FHIT: variants seen among roughly 807,000 people sequenced by gnomAD.
FHIT encodes the protein bis(5'-adenosyl)-triphosphatase.
A neutral mutation model predicts 17.9 loss-of-function variants in FHIT; 19 were observed. The ratio of observed to expected loss-of-function variants is 1.06; its 90% CI spans 0.74 to 1.56. The LOEUF is 1.56. Ranked by LOEUF, FHIT falls within the 40% of genes most tolerant of loss-of-function variation. The probability of loss-of-function intolerance (pLI) is 0.00; values close to 1 mark genes in which losing one functional copy is unlikely to be tolerated. For synonymous variants in FHIT, 81 were observed against 69.7 expected, an observed-to-expected ratio of 1.16 and a Z score of -0.81; for missense variants, 248 against 189.2, an observed-to-expected ratio of 1.31 and a Z score of -1.82.
At chr3:60,421,283 T>C (rs530511700) in intron 5 of FHIT, among the ~76,000 whole-genome samples, 158 of 152,224 alleles carry the variant, frequency 1.0e-3, no homozygotes, top group African/African-American at 3.5e-3. Context: ...TGATTTACTG[T>C]ATCTAATCTC....
intron 4 of FHIT, among the ~76,000 whole-genome samples, chr3:60,748,152 C>G (rs1488413718): frequency 6.6e-6 from 1 of 151,984 alleles, no homozygotes; most frequent in Non-Finnish European, 1.5e-5. Flanking sequence ...ACTCTGAAAG[C>G]CTTATTAGAG....
intron 2 of FHIT, among the ~76,000 whole-genome samples, chr3:61,163,294 T>C (rs951128829): frequency 2.0e-5 from 3 of 152,222 alleles, no homozygotes; most frequent in Admixed American, 6.5e-5. Flanking sequence ...CTTAACACCA[T>C]TGACATTTAT....
chr3:60,512,716 G>A (rs1468736032), intron 5 of FHIT, among the ~76,000 whole-genome samples: 1 of 152,148 alleles, frequency 6.6e-6, no homozygotes, highest in African/African-American at 2.4e-5. Flanking sequence ...CCTATTTGGT[G>A]TCCTTGCCAA....
At position 60,074,751 on chromosome 3, in the gene FHIT, A is replaced by G. The variant is rs150583499; in HGVS notation, c.104-60599T>C. Among the ~76,000 whole-genome samples, 823 of 152,066 alleles carry G rather than the reference A, an allele frequency of 5.4e-3. 7 individuals are homozygous for G. Among genetic ancestry groups the G allele is most frequent in the African/African-American group, 0.019 (800 of 41,496 alleles). On this transcript the variant is annotated intron_variant, in intron 5 of 9. Transcript: ENST00000492590. ...TCTTCTCTTGGTGTTTACTCCCCCA[A>G]CACTTTCCTCAGCTCTTTATTTCTG...
At chr3:60,934,819 A>C (rs1159673850) in intron 3 of FHIT, among the ~76,000 whole-genome samples, 1 of 152,172 alleles carries the variant, frequency 6.6e-6, no homozygotes, top group African/African-American at 2.4e-5. Flanking sequence ...GTTCCTGAAG[A>C]AGATGGGAAA....
At chr3:59,995,746 G>A (rs538637380) in intron 7 of FHIT, among the ~76,000 whole-genome samples, 11 of 151,974 alleles carry the variant, frequency 7.2e-5, no homozygotes, top group African/African-American at 2.7e-4. Flanking sequence ...CACAGCACCG[G>A]GTATACCTCA....
intron 8 of FHIT, among the ~76,000 whole-genome samples, chr3:59,859,269 G>A (rs553931527): frequency 1.4e-4 from 21 of 152,304 alleles, no homozygotes; most frequent in African/African-American, 3.4e-4. Flanking sequence ...GCTCAGCAGC[G>A]TTTTTGTGGA....
At chr3:61,216,612 A>T (rs978589212) in intron 1 of FHIT, among the ~76,000 whole-genome samples, 10 of 152,180 alleles carry the variant, frequency 6.6e-5, no homozygotes, top group South Asian at 2.1e-4. Context: ...TAGAACTAGA[A>T]ATACCATTTG....
At chr3:61,127,243 C>G (rs1480106748) in intron 2 of FHIT, among the ~76,000 whole-genome samples, 1 of 152,092 alleles carries the variant, frequency 6.6e-6, no homozygotes, top group Non-Finnish European at 1.5e-5. Context: ...GGGCCCAAGC[C>G]ATAGTGGTGG....
chr3:60,221,033 A>G (rs1034054295), intron 5 of FHIT, among the ~76,000 whole-genome samples: 3 of 152,160 alleles, frequency 2.0e-5, no homozygotes, highest in African/African-American at 7.2e-5. Context: ...ACAATAACAC[A>G]TTTGGTATAT....
At chr3:60,429,988 T>C (rs140493231) in intron 5 of FHIT, among the ~76,000 whole-genome samples, 28 of 152,032 alleles carry the variant, frequency 1.8e-4, no homozygotes, top group Admixed American at 1.6e-3. Flanking sequence ...TGTACCAGCT[T>C]AAGCCCGTGC....
intron 5 of FHIT, among the ~76,000 whole-genome samples, chr3:60,166,815 C>A (rs1408240752): frequency 1.3e-5 from 2 of 152,134 alleles, no homozygotes; most frequent in African/African-American, 4.8e-5. Flanking sequence ...AGGGAGTGCC[C>A]TGCCACCTTA....
At chr3:61,027,438 T>C (rs1424026748) in intron 3 of FHIT, among the ~76,000 whole-genome samples, 2 of 152,266 alleles carry the variant, frequency 1.3e-5, no homozygotes, top group African/African-American at 4.8e-5. Context: ...CTATTGTATT[T>C]GTAGAGTGGA....
intron 2 of FHIT, among the ~76,000 whole-genome samples, chr3:61,181,185 A>G (rs1242141331): frequency 6.6e-6 from 1 of 152,234 alleles, no homozygotes; most frequent in Non-Finnish European, 1.5e-5. Context: ...AGAAGAATTT[A>G]GCTCCCAAAC....
chr3:60,371,842 GTT>G (rs10576261), intron 5 of FHIT, among the ~76,000 whole-genome samples: 8,056 of 142,988 alleles, frequency 0.056, 679 homozygotes, highest in African/African-American at 0.19. Context: ...TTTTTGTGGG[GTT>G]TTTTTTTTTT....
chr3:61,219,359 G>T (rs4117970), intron 1 of FHIT, among the ~76,000 whole-genome samples: 1 of 150,752 alleles, frequency 6.6e-6, no homozygotes, highest in Non-Finnish European at 1.5e-5. Flanking sequence ...GTGTGTGTGT[G>T]TGTGTTTGTG....
At chr3:60,356,904 G>A (rs1699691372) in intron 5 of FHIT, among the ~76,000 whole-genome samples, 1 of 152,080 alleles carries the variant, frequency 6.6e-6, no homozygotes, top group Non-Finnish European at 1.5e-5. Context: ...CAAATGTGTG[G>A]CTAGAACTGG....
intron 2 of FHIT, among the ~76,000 whole-genome samples, chr3:61,085,333 T>C (rs978797730): frequency 3.9e-5 from 6 of 152,276 alleles, no homozygotes; most frequent in East Asian, 1.9e-4. Flanking sequence ...ACTTTAGCCA[T>C]CCTAGTGGGT....
rs573230863 is a variant in FHIT at position 61,095,262 on chromosome 3, T to G, written c.-163-53163A>C. On this transcript the variant is annotated intron_variant, in intron 2 of 9. Transcript: ENST00000492590. Reference sequence around the variant, plus strand: ...AAGTGGACAGAAGTAGCTGTGAATCTGGTCACAAAACCTCTTTTTATACAA... The same window carrying G: ...AAGTGGACAGAAGTAGCTGTGAATCGGGTCACAAAACCTCTTTTTATACAA... Among the ~76,000 whole-genome samples, 354 of 152,336 alleles carry G rather than the reference T, an allele frequency of 2.3e-3. 1 individual carries two copies. The highest frequency in any genetic ancestry group is 4.4e-3 in the Non-Finnish European group (300 of 68,034).
Sources: allele counts gnomAD v4.1 joint callset (sites outside exome capture counted in the v4.1 genomes callset), GRCh38; gene constraint gnomAD v4.1.1; transcripts MANE v1.5; gene names NCBI Gene and HGNC (gene_info 2026-07-23, HGNC 2026-07-21).